The following KCNH8 variants were observed in gnomAD, a reference collection of about 807,000 sequenced individuals.
KCNH8 encodes potassium voltage-gated channel subfamily H member 8, also known as voltage-gated delayed rectifier potassium channel KCNH8.
In KCNH8, 70 loss-of-function variants were observed where a neutral mutation model predicts 103.6. The observed-to-expected ratio is 0.68, with a 90% CI of 0.56 to 0.82. The LOEUF (loss-of-function observed/expected upper bound fraction) is 0.82, where lower values mean the gene tolerates loss of function less well. Among genes scored for constraint, KCNH8 ranks in the 40% least tolerant of loss-of-function variants. The probability of loss-of-function intolerance (pLI) is 0.00; values close to 1 mark genes in which losing one functional copy is unlikely to be tolerated. For synonymous variants in KCNH8, 498 were observed against 489.4 expected (o/e 1.02, Z -0.23); for missense variants, 1,217 against 1,329.9 (o/e 0.92, Z 1.32).
Position 19,373,986 on chromosome 3 carries a change from G to A in KCNH8, c.812-16495G>A, listed in dbSNP as rs2066148430. On this transcript the variant is annotated intron_variant, in intron 5 of 15. Transcript: ENST00000328405. The stretch of plus-strand genomic sequence containing the variant: ...GTGGTCTGAGAGATAGTTTGTTACA[G>A]TCTCTGTTCTTTTACATTTGCTGAG... 2.0e-5 allele frequency among the ~76,000 whole-genome samples: 3 copies of A among 152,162 alleles called. No homozygotes were observed. The South Asian group carries it at 6.2e-4, about 32-fold the overall frequency.
intron 1 of KCNH8, among the ~76,000 whole-genome samples, chr3:19,150,183 A>G (rs1028442410): frequency 2.4e-4 from 36 of 152,166 alleles, no homozygotes; most frequent in African/African-American, 7.7e-4. Flanking sequence ...TCTTTTTTAG[A>G]TAATAATGAT....
chr3:19,405,289 T>C (rs903114572), intron 7 of KCNH8, among the ~76,000 whole-genome samples: 3 of 151,900 alleles, frequency 2.0e-5, no homozygotes, highest in Non-Finnish European at 4.4e-5. Context: ...CTATTTTTCA[T>C]TGATTTTTGT....
At chr3:19,274,219 T>A (rs973625267) in intron 2 of KCNH8, among the ~76,000 whole-genome samples, 2 of 152,140 alleles carry the variant, frequency 1.3e-5, no homozygotes, top group Non-Finnish European at 2.9e-5. Flanking sequence ...CATCTCAATC[T>A]CCATAATTGT....
At chr3:19,226,044 ATTC>A (rs1358068207) in intron 1 of KCNH8, among the ~76,000 whole-genome samples, 1 of 152,226 alleles carries the variant, frequency 6.6e-6, no homozygotes, top group Non-Finnish European at 1.5e-5. Context: ...TTGATATGAA[ATTC>A]TTCTTGACCA....
intron 5 of KCNH8, among the ~76,000 whole-genome samples, chr3:19,381,111 T>C (rs1224834247): frequency 3.3e-5 from 5 of 152,232 alleles, no homozygotes; most frequent in Non-Finnish European, 7.3e-5. Flanking sequence ...GTTTTGAGTG[T>C]TCTTAAGAGT....
intron 1 of KCNH8, among the ~76,000 whole-genome samples, chr3:19,239,465 A>G (rs939567741): frequency 5.3e-5 from 8 of 152,328 alleles, no homozygotes; most frequent in African/African-American, 1.7e-4. Context: ...GACTTATCCA[A>G]ATATCTCATT....
At chr3:19,361,265 T>C (rs753480568) in intron 5 of KCNH8, among the ~76,000 whole-genome samples, 8 of 152,230 alleles carry the variant, frequency 5.3e-5, no homozygotes, top group Middle Eastern at 3.4e-3. Flanking sequence ...TTTTTTTCTC[T>C]CATGTATTTC....
intron 1 of KCNH8, among the ~76,000 whole-genome samples, chr3:19,251,017 G>C (rs1232355155): frequency 6.6e-6 from 1 of 152,120 alleles, no homozygotes; most frequent in Non-Finnish European, 1.5e-5. Context: ...TCAATCCTAT[G>C]TATTTACATT....
chr3:19,510,084 G>A (rs1177285744), intron 11 of KCNH8, among the ~76,000 whole-genome samples: 3 of 152,100 alleles, frequency 2.0e-5, no homozygotes, highest in East Asian at 1.9e-4. Flanking sequence ...TTTTTTAGGT[G>A]TGGTATCCTG....
chr3:19,461,981 T>C (rs1294664601), intron 11 of KCNH8, among the ~76,000 whole-genome samples: 1 of 152,242 alleles, frequency 6.6e-6, no homozygotes, highest in African/African-American at 2.4e-5. Context: ...TCATCCTTTT[T>C]TATGGCTGCA....
At chr3:19,365,180 A>C (rs1005315268) in intron 5 of KCNH8, among the ~76,000 whole-genome samples, 2 of 152,072 alleles carry the variant, frequency 1.3e-5, no homozygotes, top group East Asian at 3.9e-4. Flanking sequence ...ATTTTAAGGT[A>C]TTTTCTTGTG....
chr3:19,165,523 C>T (rs2063274580), intron 1 of KCNH8, among the ~76,000 whole-genome samples: 1 of 152,148 alleles, frequency 6.6e-6, no homozygotes, highest in African/African-American at 2.4e-5. Context: ...GCAGAGCTCT[C>T]AATTCTCCAA....
At chr3:19,157,941 T>G (rs2063197157) in intron 1 of KCNH8, among the ~76,000 whole-genome samples, 1 of 151,770 alleles carries the variant, frequency 6.6e-6, no homozygotes, top group African/African-American at 2.4e-5. Flanking sequence ...ATTAATAAAT[T>G]TCCCTGTTAT....
intron 3 of KCNH8, among the ~76,000 whole-genome samples, chr3:19,283,023 C>A (rs1575493469): frequency 6.6e-6 from 1 of 152,190 alleles, no homozygotes; most frequent in Middle Eastern, 3.4e-3. Context: ...GTCTGGAGAA[C>A]CAGAGCAGAA....
intron 12 of KCNH8, 69 bp downstream of exon 12, chr3:19,510,470 C>T: frequency 1.0e-6 from 1 of 971,350 alleles, no homozygotes; most frequent in Non-Finnish European, 1.7e-6. Context: ...TCTGTCTTGT[C>T]TTTCTCTTCA....
At chr3:19,449,610 C>T (rs994697026) in intron 8 of KCNH8, among the ~76,000 whole-genome samples, 7 of 151,548 alleles carry the variant, frequency 4.6e-5, no homozygotes, top group African/African-American at 1.7e-4. Flanking sequence ...ACTAAAATTC[C>T]CACAAAGGCT....
intron 1 of KCNH8, among the ~76,000 whole-genome samples, chr3:19,163,919 A>G: frequency 6.6e-6 from 1 of 152,214 alleles, no homozygotes; most frequent in East Asian, 1.9e-4. Context: ...AATACAGTGT[A>G]TAGTACCTAT....
intron 8 of KCNH8, among the ~76,000 whole-genome samples, chr3:19,447,979 T>C (rs1411414458): frequency 1.3e-5 from 2 of 151,994 alleles, no homozygotes; most frequent in African/African-American, 4.8e-5. Flanking sequence ...CAATAAGTTA[T>C]GTCTACCAAG....
intron 11 of KCNH8, among the ~76,000 whole-genome samples, chr3:19,498,359 G>A (rs903557731): frequency 6.6e-6 from 1 of 152,100 alleles, no homozygotes; most frequent in Non-Finnish European, 1.5e-5. Flanking sequence ...GTGTGTTTTT[G>A]TAGTGGCTGG....
Sources: allele counts gnomAD v4.1 joint callset (sites outside exome capture counted in the v4.1 genomes callset), GRCh38; gene constraint gnomAD v4.1.1; transcripts MANE v1.5; gene names NCBI Gene and HGNC (gene_info 2026-07-23, HGNC 2026-07-21).